PALLD: variants seen among roughly 807,000 people sequenced by gnomAD.
PALLD encodes the protein palladin.
PALLD carries 61 observed loss-of-function variants against 123.5 expected under a neutral mutation model. That is an observed-to-expected ratio of 0.49 (90% CI 0.40 to 0.61). The LOEUF (loss-of-function observed/expected upper bound fraction) is 0.61, where lower values mean the gene tolerates loss of function less well. PALLD is among the 20% of genes least tolerant of loss of function. The pLI, the probability that PALLD is intolerant of heterozygous loss-of-function variation, is 0.00. For missense variants in PALLD, 1,273 were observed against 1,377.0 expected, an observed-to-expected ratio of 0.92 and a Z score of 1.20; for synonymous variants, 465 against 496.4, an observed-to-expected ratio of 0.94 and a Z score of 0.84.
chr4:168,782,580 T>C (rs758914683), intron 10 of PALLD, among the ~76,000 whole-genome samples: 6 of 152,056 alleles, frequency 3.9e-5, no homozygotes, highest in African/African-American at 1.4e-4. Context: ...CAATAGACAA[T>C]GCATACAAGA....
intron 17 of PALLD, among the ~76,000 whole-genome samples, chr4:168,917,207 C>T (rs1760352253): frequency 6.6e-6 from 1 of 151,432 alleles, no homozygotes; most frequent in Admixed American, 6.6e-5. Flanking sequence ...CACCACCACG[C>T]CCAGTTAATT....
intron 2 of PALLD, among the ~76,000 whole-genome samples, chr4:168,523,217 AAGAGG>A (rs1178857299): frequency 1.1e-4 from 12 of 107,252 alleles, no homozygotes; most frequent in South Asian, 3.3e-4. Context: ...AACGAGAAGA[AAGAGG>A]AGAGGAGAGG....
At chr4:168,524,893 A>G (rs1345704057) in intron 2 of PALLD, among the ~76,000 whole-genome samples, 1 of 152,174 alleles carries the variant, frequency 6.6e-6, no homozygotes, top group African/African-American at 2.4e-5. Flanking sequence ...ACTCTTAGCA[A>G]CAACCTTCCT....
chr4:168,512,214 C>T lies in PALLD; in HGVS notation c.710C>T (p.Pro237Leu), dbSNP rs375729725. The change falls in exon 2 of 22, where the codon CCT (proline) becomes CTT (leucine). Residue 237 changes from proline (P) to leucine (L), a missense_variant. Physicochemically the swap from Pro to Leu is moderately conservative, Grantham distance 98. Around this residue, in one of 2 missense-constraint regions of PALLD, gnomAD observed 944 missense variants for 954.5 expected, o/e 0.99. Coordinates refer to ENST00000505667, the MANE Select transcript of PALLD (RefSeq NM_001166108.2). Reference sequence around the variant, plus strand: ...GAGATGGAAAGAGAGGTCAAGTCCCCTGGGGCCAGGCATTGCTACCAGGAC... The same window carrying T: ...GAGATGGAAAGAGAGGTCAAGTCCCTTGGGGCCAGGCATTGCTACCAGGAC... Reference protein sequence around the residue: ...QGEMEREVKSPGARHCYQDNQ... With the variant: ...QGEMEREVKSLGARHCYQDNQ... 1.2e-6 allele frequency: 2 copies of T among 1,613,806 alleles called. No individual in the cohort carries two copies. Among genetic ancestry groups the T allele is most frequent in the African/African-American group, 1.3e-5 (1 of 75,016 alleles).
intron 2 of PALLD, among the ~76,000 whole-genome samples, chr4:168,608,348 A>G (rs760301610): frequency 1.3e-5 from 2 of 152,188 alleles, no homozygotes; most frequent in Non-Finnish European, 2.9e-5. Context: ...TTGCATCTCA[A>G]GACGGTTTTA....
intron 2 of PALLD, among the ~76,000 whole-genome samples, chr4:168,559,661 C>T (rs1189983232): frequency 6.6e-6 from 1 of 152,050 alleles, no homozygotes; most frequent in African/African-American, 2.4e-5. Context: ...CTTTGAGAGG[C>T]CGAGGTGGGT....
chr4:168,705,324 T>C (rs1207380984), intron 8 of PALLD, among the ~76,000 whole-genome samples: 1 of 152,216 alleles, frequency 6.6e-6, no homozygotes, highest in Non-Finnish European at 1.5e-5. Context: ...TCTGCAGCTA[T>C]AAAATATTAA....
intron 2 of PALLD, chr4:168,631,862 G>C (rs1775849522): frequency 1.0e-6 from 1 of 985,398 alleles, no homozygotes; most frequent in Admixed American, 6.1e-5. Flanking sequence ...AGAGGAGCTT[G>C]TTTGGGAGTG....
chr4:168,752,189 A>G (rs1430152404), intron 10 of PALLD, among the ~76,000 whole-genome samples: 1 of 152,240 alleles, frequency 6.6e-6, no homozygotes, highest in Non-Finnish European at 1.5e-5. Context: ...CCTGAGCAAC[A>G]TGGTGCAACT....
chr4:168,743,096 T>C (rs1171812684), intron 10 of PALLD, among the ~76,000 whole-genome samples: 9 of 152,238 alleles, frequency 5.9e-5, no homozygotes, highest in Admixed American at 5.9e-4. Context: ...AAATTTCTAC[T>C]GCGTGATAAC....
intron 4 of PALLD, 142 bp downstream of exon 4, chr4:168,681,540 A>ATTTTTTTTTTTTTTTTTTTT (rs34328020): frequency 5.9e-5 from 20 of 340,352 alleles, no homozygotes; most frequent in African/African-American, 4.1e-4. Context: ...TTGGAACACA[A>ATTTTTTTTTTTTTTTTTTTT]TTTTTTTTTT....
Position 168,593,618 on chromosome 4 carries a change from T to C in PALLD, c.909-74572T>C, listed in dbSNP as rs146234774. ...AAAAAGCAAGAGGATTCCAGTCAAA[T>C]TGGTCATCCACAGATAATCAAAATG... On this transcript the variant is annotated intron_variant, in intron 2 of 21. Transcript: ENST00000505667. 2.3e-4 allele frequency among the ~76,000 whole-genome samples: 35 copies of C among 152,256 alleles called. No individual in the cohort carries two copies. The East Asian group carries it at 6.0e-3, about 26-fold the overall frequency.
intron 18 of PALLD, among the ~76,000 whole-genome samples, chr4:168,922,000 T>C (rs1761609633): frequency 6.6e-6 from 1 of 151,902 alleles, no homozygotes; most frequent in South Asian, 2.1e-4. Context: ...GTGTGTATAG[T>C]GGCCCCTAGT....
chr4:168,790,698 A>T (rs1737392325), intron 10 of PALLD, among the ~76,000 whole-genome samples: 1 of 151,994 alleles, frequency 6.6e-6, no homozygotes, highest in African/African-American at 2.4e-5. Flanking sequence ...TGCTGTTTTA[A>T]TTATTGTACC....
chr4:168,739,838 C>T (rs1431045918), intron 10 of PALLD, among the ~76,000 whole-genome samples: 1 of 152,122 alleles, frequency 6.6e-6, no homozygotes, highest in Non-Finnish European at 1.5e-5. Context: ...CTATTTACTG[C>T]GTGAATTTTT....
chr4:168,817,494 A>C (rs995934535), intron 10 of PALLD, among the ~76,000 whole-genome samples: 3 of 152,214 alleles, frequency 2.0e-5, no homozygotes, highest in African/African-American at 7.2e-5. Flanking sequence ...ATAGTTACTG[A>C]AAAAGATGTC....
chr4:168,912,002 G>A (rs1292160096), intron 15 of PALLD, among the ~76,000 whole-genome samples: 2 of 152,002 alleles, frequency 1.3e-5, no homozygotes, highest in East Asian at 1.9e-4. Context: ...TTTTCTGGGT[G>A]GTTATAGCCC....
At chr4:168,681,742 C>A (rs1379263725) in intron 4 of PALLD, among the ~76,000 whole-genome samples, 2 of 151,716 alleles carry the variant, frequency 1.3e-5, no homozygotes, top group Non-Finnish European at 2.9e-5. Context: ...GAGATGGGGT[C>A]TCACTGTGTT....
chr4:168,796,792 C>G (rs747332562), intron 10 of PALLD, among the ~76,000 whole-genome samples: 1 of 152,132 alleles, frequency 6.6e-6, no homozygotes, highest in Non-Finnish European at 1.5e-5. Context: ...GGGATGGATA[C>G]CCACTTACCT....
Sources: allele counts gnomAD v4.1 joint callset (sites outside exome capture counted in the v4.1 genomes callset), GRCh38; gene constraint gnomAD v4.1.1; regional missense constraint gnomAD v4.1.1; transcripts MANE v1.5; gene names NCBI Gene and HGNC (gene_info 2026-07-23, HGNC 2026-07-21).